Variants in POLG observed in about 807,000 individuals in gnomAD.
POLG encodes DNA polymerase subunit gamma-1.
A neutral mutation model predicts 155.4 loss-of-function variants in POLG; 110 were observed. That is an observed-to-expected ratio of 0.71 (90% confidence interval 0.61 to 0.83). The LOEUF (loss-of-function observed/expected upper bound fraction) is 0.83. Among genes scored for constraint, POLG ranks in the 40% least tolerant of loss-of-function variants. POLG has a pLI of 0.00. For missense variants in POLG, 1,685 were observed against 1,627.5 expected (o/e 1.04, Z -0.61); for synonymous variants, 701 against 631.5 (o/e 1.11, Z -1.65).
Position 89,319,301 on chromosome 15 carries a change from G to A in POLG, c.3031C>T (p.Pro1011Ser). Residue 1011 changes from proline to serine, a missense_variant, in exon 19 of 23, where the codon CCA (proline) becomes TCA (serine). Physicochemically the swap from Pro to Ser is moderately conservative, Grantham distance 74. Transcript: ENST00000268124. ...CAGCCACCCTCAGTCCTGTCCACTG[G>A]GAGGTTCAACTCCCTCACCAGCCAC... Reference protein sequence around the residue: ...GEWLVRELNLPVDRTEGGWIS... With the variant: ...GEWLVRELNLSVDRTEGGWIS... 6.2e-7 allele frequency: 1 copy of A among 1,614,114 alleles called. No homozygotes were observed. The highest frequency in any genetic ancestry group is 2.2e-5 in the East Asian group (1 of 44,880).
rs1429724814 is a variant in POLG, at chr15:89,326,646, G to C, written c.1678C>G (p.Pro560Ala). The C allele has an allele frequency of 6.2e-7, 1 of 1,614,084 alleles. No homozygotes were observed. The highest frequency in any genetic ancestry group is 8.5e-7 in the Non-Finnish European group (1 of 1,180,028). The change falls in exon 9 of 23, where the codon CCC (proline) becomes GCC (alanine). Residue 560 changes from proline (P) to alanine (A), a missense_variant. By Grantham distance (27) the Pro-to-Ala change is conservative. Around this residue, in one of 3 missense-constraint regions of POLG, gnomAD observed 1,210 missense variants for 1,167.1 expected, o/e 1.04. Coordinates refer to ENST00000268124, the MANE Select transcript of POLG (RefSeq NM_002693.3). ...CCAGGAAGGTGCTGGGGCCGCTTGG[G>C]CAGGAGCTCTGTGGTCCCCTTCAGC... ...QKLKGTTELL[P>A]KRPQHLPGHP...
At chr15:89,327,498 T>A (rs924436407) in intron 6 of POLG, 149 bp from the exon 7 acceptor site, 2 of 729,084 alleles carry the variant, frequency 2.7e-6, no homozygotes, top group African/African-American at 3.5e-5. Context: ...CTACTGTTAC[T>A]CATCCCTGGG....
chr15:89,318,462 C>G, intron 21 of POLG, 79 bp downstream of exon 21: 1 of 1,153,800 alleles, frequency 8.7e-7, no homozygotes, highest in Non-Finnish European at 1.3e-6. Context: ...CAAAACTGAC[C>G]AGTCTGGCCC....
intron 8 of POLG, 23 bp from the exon 9 acceptor site, chr15:89,326,761 T>TCAGGAG (rs1274290167): frequency 6.2e-7 from 1 of 1,613,946 alleles, no homozygotes; most frequent in African/African-American, 1.3e-5. Flanking sequence ...GGGAAGACAA[T>TCAGGAG]CAGGAGCAGG....
Position 89,322,943 on chromosome 15 carries a change from A to G in POLG, c.2266-41T>C, listed in dbSNP as rs770364470. The G allele has an allele frequency of 1.7e-5, 28 of 1,604,294 alleles. No individual in the cohort carries two copies. In the South Asian group the frequency reaches 2.8e-4, roughly 16 times the overall value. Reference sequence around the variant, plus strand: ...GAAGCAGGGGCTGGAGGCAGGTGGCAGACCCCTGGGTGGGGAACCAACGTG... The same window carrying G: ...GAAGCAGGGGCTGGAGGCAGGTGGCGGACCCCTGGGTGGGGAACCAACGTG... On this transcript the variant is annotated intron_variant, in intron 13 of 22. Transcript: ENST00000268124.
chr15:89,322,534 G>A (rs898208424), intron 14 of POLG, among the ~76,000 whole-genome samples: 16 of 152,318 alleles, frequency 1.1e-4, no homozygotes, highest in African/African-American at 3.6e-4. Context: ...GGGCTCTCAT[G>A]GTCCTACAGC....
rs774694592 is a variant in POLG, at chr15:89,321,207, G to A, written c.2652C>T (p.Tyr884=). 9 of 1,614,196 alleles carry A rather than the reference G, an allele frequency of 5.6e-6. No homozygotes were observed. Among genetic ancestry groups the A allele is most frequent in the East Asian group, 2.2e-5 (1 of 44,890 alleles). ...LKAMVQAPPG[Y]TLVGADVDSQ... ...AGTCCACATCAGCACCCACAAGGGT[G>A]TAGCCAGGTGGGGCCTGCACCATGG... is the stretch of plus-strand genomic sequence containing the variant. The change falls in exon 17 of 23, where the codon TAC becomes TAT. Residue 884 remains tyrosine, a synonymous_variant. Coordinates refer to ENST00000268124, the MANE Select transcript of POLG (RefSeq NM_002693.3).
chr15:89,326,469 T>G, intron 9 of POLG, 143 bp downstream of exon 9: 1 of 923,474 alleles, frequency 1.1e-6, no homozygotes, highest in Non-Finnish European at 1.7e-6. Flanking sequence ...AGAATAGGAC[T>G]GGAAGACAGT....
In POLG at chr15:89,333,851, G is replaced by T; in HGVS notation, c.-97C>A. 7.2e-7 allele frequency: 1 copy of T among 1,396,546 alleles called. No homozygotes were observed. The highest frequency in any genetic ancestry group is 9.8e-7 in the Non-Finnish European group (1 of 1,021,974). 86.5% of individuals were successfully genotyped at this position (1,396,546 alleles called of 1,614,324 possible). A position where few individuals can be genotyped will look rare whatever the true frequency, so the allele number is the denominator to read the frequency against. ...GGCTGGAAGACGTGGAGAGAGACAC[G>T]TCCTGTCTCTGCTCTCCTGTCAGTG... is the stretch of plus-strand genomic sequence containing the variant. On this transcript the variant is annotated 5_prime_UTR_variant, in exon 2 of 23. Coordinates refer to ENST00000268124, the MANE Select transcript of POLG (RefSeq NM_002693.3).
At chr15:89,324,891 G>C (rs998175493) in intron 10 of POLG, among the ~76,000 whole-genome samples, 19 of 152,124 alleles carry the variant, frequency 1.2e-4, no homozygotes, top group Admixed American at 1.2e-3. Flanking sequence ...ACAGCCCTCC[G>C]CATGTTCCTG....
At chr15:89,334,117 C>A (rs2055638330) in intron 1 of POLG, 2 of 359,534 alleles carry the variant, frequency 5.6e-6, no homozygotes, top group Admixed American at 4.5e-5. Context: ...AGTGAACCCA[C>A]GTGGGGAAGC....
chr15:89,325,768 C>CA (rs2055509203), intron 9 of POLG, 82 bp from the exon 10 acceptor site: 1 of 1,098,012 alleles, frequency 9.1e-7, no homozygotes, highest in Non-Finnish European at 1.4e-6. Context: ...ACAATGTCCC[C>CA]ACCCACCCTC....
At position 89,326,801 on chromosome 15, in the gene POLG, A is replaced by G. The variant is rs765900559; in HGVS notation, c.1586-63T>C. 3 of 1,611,306 alleles carry G rather than the reference A, an allele frequency of 1.9e-6. No homozygotes were observed. The South Asian group carries it at 3.3e-5, about 18-fold the overall frequency. ...GGAACTCTCAATAAGATCTGCTCCC[A>G]CCCGCTCATCTCCAGAAGGCTGGAG... On this transcript the variant is annotated intron_variant, in intron 8 of 22. Transcript: ENST00000268124.
Position 89,319,362 on chromosome 15 carries a change from G to A in POLG, c.2982-12C>T, listed in dbSNP as rs1321751073. The A allele has an allele frequency of 1.2e-6, 2 of 1,613,480 alleles. No individual in the cohort carries two copies. Among genetic ancestry groups the A allele is most frequent in the East Asian group, 4.5e-5 (2 of 44,880 alleles). On this transcript the variant is annotated splice_polypyrimidine_tract_variant and intron_variant, in intron 18 of 22. Coordinates refer to ENST00000268124, the MANE Select transcript of POLG (RefSeq NM_002693.3). ...CCGACAGCCGATACCTGGGGGCAGT[G>A]TTATCACCATCATTCCACGGGAGTG...
At position 89,323,479 on chromosome 15, in the gene POLG, G is replaced by A. The variant is rs146045546; in HGVS notation, c.2190C>T (p.Pro730=). 3.7e-6 allele frequency: 6 copies of A among 1,613,700 alleles called. No homozygotes were observed. Among genetic ancestry groups the A allele is most frequent in the Non-Finnish European group, 5.1e-6 (6 of 1,179,594 alleles). The part of the protein sequence containing the change: ...TARGGPKDTQ[P]SYHHGNGPYN... ...AAGGTCCATTGCCATGGTGATAGCT[G>A]GGCTGGGTGTCCTTGGGGCCACCAC... Residue 730 remains proline (P), a synonymous_variant, in exon 13 of 23, where the codon CCC becomes CCT. Transcript: ENST00000268124.
At chr15:89,328,893 A>G in intron 4 of POLG, 50 bp downstream of exon 4, 1 of 1,613,918 alleles carries the variant, frequency 6.2e-7, no homozygotes, top group Non-Finnish European at 8.5e-7. Context: ...CGGGCTGGTG[A>G]GAGGGGGTCC....
In POLG at chr15:89,318,694, TGTAA is replaced by T. The variant is rs1442498340; in HGVS notation, c.3325_3328del (p.Leu1109ThrfsTer7). On this transcript the variant is annotated frameshift_variant, in exon 21 of 23. Transcript: ENST00000268124. LOFTEE classifies it high-confidence loss of function. The stretch of plus-strand genomic sequence containing the variant: ...CCACTTCATGGCCACAAGCATGAGG[TGTAA>T]GTAGTCAACAGCAGAGCTCTGTACC... 6.2e-7 allele frequency: 1 copy of T among 1,614,068 alleles called. No homozygotes were observed. The highest frequency in any genetic ancestry group is 1.7e-5 in the Admixed American group (1 of 60,024).
chr15:89,333,391 CGGGCAA>C lies in POLG; in HGVS notation c.358_363del (p.Leu120_Pro121del). The C allele has an allele frequency of 6.3e-7, 1 of 1,589,366 alleles. No individual in the cohort carries two copies. The highest frequency in any genetic ancestry group is 2.3e-5 in the East Asian group (1 of 43,608). ...AGGGGCGGCAGGCGCAGCTCCACGT[CGGGCAA>C]GGGCACGGCTGGCTGCCCCCAGAGC... On this transcript the variant is annotated inframe_deletion, in exon 2 of 23. Coordinates refer to ENST00000268124, the MANE Select transcript of POLG (RefSeq NM_002693.3).
chr15:89,330,666 G>A (rs955506441), intron 2 of POLG, among the ~76,000 whole-genome samples: 1 of 151,362 alleles, frequency 6.6e-6, no homozygotes, highest in Non-Finnish European at 1.5e-5. Flanking sequence ...ACCAGCTACT[G>A]TTCAAAGTAC....
Sources: allele counts gnomAD v4.1 joint callset (sites outside exome capture counted in the v4.1 genomes callset), GRCh38; gene constraint gnomAD v4.1.1; regional missense constraint gnomAD v4.1.1; transcripts MANE v1.5; gene names NCBI Gene and HGNC (gene_info 2026-07-23, HGNC 2026-07-21).